SOBP: variants seen among roughly 807,000 people sequenced by gnomAD.
SOBP encodes sine oculis-binding protein homolog.
In SOBP, 4 loss-of-function variants were observed where a neutral mutation model predicts 53.6. That is an observed-to-expected ratio of 0.07 (90% CI 0.04 to 0.17). SOBP has a LOEUF of 0.17. Ranked by LOEUF, SOBP falls within the 10% of genes least tolerant of loss-of-function variation. The pLI, the probability that SOBP is intolerant of heterozygous loss-of-function variation, is 1.00. For missense variants in SOBP, 1,088 were observed against 1,204.7 expected (o/e 0.90, Z 1.43); for synonymous variants, 584 against 522.6 (o/e 1.12, Z -1.60).
rs570712603 is a variant in SOBP, at chr6:107,615,297, ATAAAAT to A, written c.670-18213_670-18208del. The stretch of plus-strand genomic sequence containing the variant: ...GTATAATTAGGGTAGGAGTAATGAA[ATAAAAT>A]TAAGGAAAGAAAGATTTAGACTGAA... On this transcript the variant is annotated intron_variant, in intron 5 of 6. Transcript: ENST00000317357. Among the ~76,000 whole-genome samples the A allele has an allele frequency of 5.9e-5, 9 of 152,342 alleles. No individual in the cohort carries two copies. The East Asian group carries it at 1.7e-3, about 29-fold the overall frequency.
intron 1 of SOBP, among the ~76,000 whole-genome samples, chr6:107,491,665 A>G (rs1782584463): frequency 6.6e-6 from 1 of 151,416 alleles, no homozygotes; most frequent in Admixed American, 6.7e-5. Context: ...CTCTATTGAT[A>G]TAAAACAATT....
rs181799928 is a variant in SOBP, at chr6:107,502,186, C to G, written c.97-1471C>G. Among the ~76,000 whole-genome samples the G allele has an allele frequency of 5.4e-3, 827 of 152,252 alleles. 3 individuals are homozygous for G. Among genetic ancestry groups the G allele is most frequent in the Non-Finnish European group, 8.6e-3 (584 of 68,028 alleles). ...TAAAGTCGTGAAATTCAAGAAAACA[C>G]GGAACTCACACGTTGAGATTGTGCA... On this transcript the variant is annotated intron_variant, in intron 1 of 6. Transcript: ENST00000317357.
At chr6:107,494,656 T>C (rs1218923634) in intron 1 of SOBP, among the ~76,000 whole-genome samples, 6 of 152,268 alleles carry the variant, frequency 3.9e-5, no homozygotes, top group Non-Finnish European at 5.9e-5. Context: ...TTAACTTCTT[T>C]ATCAATTGCT....
At chr6:107,506,613 A>G (rs925044607) in intron 3 of SOBP, among the ~76,000 whole-genome samples, 186 bp downstream of exon 3, 2 of 152,202 alleles carry the variant, frequency 1.3e-5, no homozygotes, top group African/African-American at 2.4e-5. Flanking sequence ...TTCCCTACCT[A>G]CTACTACTTA....
At chr6:107,566,774 T>G (rs1254278254) in intron 4 of SOBP, among the ~76,000 whole-genome samples, 3 of 152,232 alleles carry the variant, frequency 2.0e-5, no homozygotes, top group African/African-American at 7.2e-5. Context: ...CTTGGTGTAT[T>G]CTAGCTTACG....
In SOBP at chr6:107,633,821, C is replaced by G. The variant is rs775846587; in HGVS notation, c.977C>G (p.Pro326Arg). Residue 326 changes from proline (P) to arginine (R), a missense_variant, in exon 6 of 7, where the codon CCG (proline) becomes CGG (arginine). Coordinates refer to ENST00000317357, the MANE Select transcript of SOBP (RefSeq NM_018013.4). ...ATAGQSQGPG[P>R]SASTTVSPSD... ...GCTGGCCAAAGCCAGGGCCCTGGCC[C>G]GTCGGCGTCCACCACCGTCTCTCCA... 2.5e-6 allele frequency: 4 copies of G among 1,614,110 alleles called. No homozygotes were observed. The highest frequency in any genetic ancestry group is 3.4e-6 in the Non-Finnish European group (4 of 1,180,016).
chr6:107,657,821 A>G (rs907025554), intron 6 of SOBP, among the ~76,000 whole-genome samples: 9 of 151,536 alleles, frequency 5.9e-5, no homozygotes, highest in Non-Finnish European at 1.2e-4. Context: ...AGCTTGGGCA[A>G]CAGAGCGAGA....
intron 4 of SOBP, among the ~76,000 whole-genome samples, chr6:107,562,747 A>G (rs1314470023): frequency 6.6e-6 from 1 of 152,190 alleles, no homozygotes; most frequent in Non-Finnish European, 1.5e-5. Flanking sequence ...CTGAGGGACA[A>G]ATCTAAAAAA....
At chr6:107,564,053 T>A (rs1173066639) in intron 4 of SOBP, among the ~76,000 whole-genome samples, 1 of 152,194 alleles carries the variant, frequency 6.6e-6, no homozygotes, top group Non-Finnish European at 1.5e-5. Context: ...TCTATGATTA[T>A]ATAAGACAAA....
chr6:107,524,358 C>T lies in SOBP; in HGVS notation c.422-9101C>T, dbSNP rs143992985. 9.8e-5 allele frequency among the ~76,000 whole-genome samples: 15 copies of T among 152,312 alleles called. 1 individual carries two copies. In the East Asian group the frequency reaches 2.7e-3, roughly 27 times the overall value. ...CTAGCAGACAGCAAATCCATGATTGCAGCATCATTGTCCCAGGACATCTTA... is the reference window on the plus strand; with the variant it reads ...CTAGCAGACAGCAAATCCATGATTGTAGCATCATTGTCCCAGGACATCTTA... On this transcript the variant is annotated intron_variant, in intron 3 of 6. Transcript: ENST00000317357.
chr6:107,525,692 C>G (rs1427808039), intron 3 of SOBP, among the ~76,000 whole-genome samples: 1 of 152,198 alleles, frequency 6.6e-6, no homozygotes, highest in Admixed American at 6.5e-5. Flanking sequence ...TCCACTGTCA[C>G]CCTGTAGGTT....
intron 1 of SOBP, among the ~76,000 whole-genome samples, chr6:107,503,400 T>C (rs1782893766): frequency 6.6e-6 from 1 of 152,240 alleles, no homozygotes; most frequent in Non-Finnish European, 1.5e-5. Flanking sequence ...TAGGCAACAC[T>C]AACAAATATA....
intron 4 of SOBP, among the ~76,000 whole-genome samples, chr6:107,542,625 G>A (rs1784181213): frequency 6.6e-6 from 1 of 152,162 alleles, no homozygotes; most frequent in South Asian, 2.1e-4. Flanking sequence ...CATCAAAGTT[G>A]GGTGTGTCTG....
intron 1 of SOBP, among the ~76,000 whole-genome samples, chr6:107,495,107 A>G (rs1782667045): frequency 6.6e-6 from 1 of 152,198 alleles, no homozygotes; most frequent in African/African-American, 2.4e-5. Flanking sequence ...TAGAAAGTGG[A>G]CTTAGGACCC....
intron 5 of SOBP, among the ~76,000 whole-genome samples, chr6:107,588,469 A>G (rs576386126): frequency 6.6e-6 from 1 of 152,260 alleles, no homozygotes; most frequent in South Asian, 2.1e-4. Flanking sequence ...GGACTCTTAA[A>G]CTTCCAGGAC....
chr6:107,523,948 T>C (rs1783587577), intron 3 of SOBP, among the ~76,000 whole-genome samples: 1 of 152,226 alleles, frequency 6.6e-6, no homozygotes, highest in African/African-American at 2.4e-5. Flanking sequence ...ATACAGTGCC[T>C]GGCACGAAGT....
At chr6:107,530,064 C>T (rs1244621176) in intron 3 of SOBP, among the ~76,000 whole-genome samples, 2 of 152,090 alleles carry the variant, frequency 1.3e-5, no homozygotes, top group Non-Finnish European at 2.9e-5. Context: ...TAAAAATGCA[C>T]AGGCTGATGG....
Position 107,634,499 on chromosome 6 carries a change from C to G in SOBP, c.1655C>G (p.Pro552Arg), listed in dbSNP as rs759162148. ...CCTCACGTCAGCGACTCCAAGCCCCCCAACGGGTTCTCCAGCAACGGGGAG... is the reference window on the plus strand; with the variant it reads ...CCTCACGTCAGCGACTCCAAGCCCCGCAACGGGTTCTCCAGCAACGGGGAG... Reference protein sequence around the residue: ...PIPHVSDSKPPNGFSSNGENF... With the variant: ...PIPHVSDSKPRNGFSSNGENF... Residue 552 changes from proline to arginine, a missense_variant, in exon 6 of 7, where the codon CCC becomes CGC. Around this residue, in one of 6 missense-constraint regions of SOBP, gnomAD observed 665 missense variants for 629.7 expected, o/e 1.06. Transcript: ENST00000317357. The surrounding 1 kb of genome is among the most constrained non-coding windows in gnomAD (Gnocchi z 4.5). 11 of 1,611,720 alleles carry G rather than the reference C, an allele frequency of 6.8e-6. No homozygotes were observed. In the Admixed American group the frequency reaches 1.0e-4, roughly 15 times the overall value.
At chr6:107,531,730 C>G (rs1326584559) in intron 3 of SOBP, among the ~76,000 whole-genome samples, 4 of 151,746 alleles carry the variant, frequency 2.6e-5, no homozygotes, top group African/African-American at 7.3e-5. Context: ...CATATTATAC[C>G]ATTTAAAGAA....
Sources: allele counts gnomAD v4.1 joint callset (sites outside exome capture counted in the v4.1 genomes callset), GRCh38; gene constraint gnomAD v4.1.1; regional missense constraint gnomAD v4.1.1; non-coding constraint Gnocchi (gnomAD v3.1); transcripts MANE v1.5; gene names NCBI Gene and HGNC (gene_info 2026-07-23, HGNC 2026-07-21).